GSR: variants seen among roughly 807,000 people sequenced by gnomAD.
GSR encodes the protein glutathione-disulfide reductase.
A neutral mutation model predicts 56.5 loss-of-function variants in GSR; 48 were observed. That is an observed-to-expected ratio of 0.85 (90% CI 0.67 to 1.08). The LOEUF is 1.08. Ranked by LOEUF, GSR falls within the 50% of genes least tolerant of loss-of-function variation. The pLI, the probability that GSR is intolerant of heterozygous loss-of-function variation, is 0.00. For missense variants in GSR, 694 were observed against 703.3 expected, an observed-to-expected ratio of 0.99 and a Z score of 0.15; for synonymous variants, 264 against 270.8, an observed-to-expected ratio of 0.97 and a Z score of 0.25.
intron 4 of GSR, 71 bp from the exon 5 acceptor site, chr8:30,703,311 A>C: frequency 7.5e-7 from 1 of 1,328,278 alleles, no homozygotes; most frequent in East Asian, 2.3e-5. Context: ...ACTTATCAGA[A>C]CTTTCATTTC....
At chr8:30,698,575 A>T (rs897227925) in intron 6 of GSR, among the ~76,000 whole-genome samples, 5 of 152,168 alleles carry the variant, frequency 3.3e-5, no homozygotes, top group African/African-American at 1.2e-4. Context: ...AGGTATCTTC[A>T]AGGGACATTT....
chr8:30,693,807 G>A (rs967849750), intron 7 of GSR, among the ~76,000 whole-genome samples: 2 of 152,170 alleles, frequency 1.3e-5, no homozygotes, highest in East Asian at 1.9e-4. Flanking sequence ...GGGATTATAG[G>A]TGTGAGCCAC....
At chr8:30,698,481 C>T (rs771280487) in intron 6 of GSR, among the ~76,000 whole-genome samples, 36 of 152,188 alleles carry the variant, frequency 2.4e-4, no homozygotes, top group Non-Finnish European at 4.4e-4. Context: ...TGTTCTCTAA[C>T]ACATTTCTGC....
intron 4 of GSR, among the ~76,000 whole-genome samples, chr8:30,704,444 T>C (rs563653782): frequency 7.9e-5 from 12 of 152,266 alleles, no homozygotes; most frequent in African/African-American, 2.9e-4. Flanking sequence ...GGAAACGCAA[T>C]GCTTGTGCTT....
At chr8:30,716,132 A>C (rs569859584) in intron 1 of GSR, among the ~76,000 whole-genome samples, 1 of 152,334 alleles carries the variant, frequency 6.6e-6, no homozygotes, top group African/African-American at 2.4e-5. Flanking sequence ...AAACAGATAC[A>C]GTCCCTGCTC....
Position 30,719,646 on chromosome 8 carries a change from A to G in GSR, c.307-7558T>C, listed in dbSNP as rs1486985144. Among the ~76,000 whole-genome samples the G allele has an allele frequency of 2.6e-5, 4 of 152,072 alleles. No individual in the cohort carries two copies. In the South Asian group the frequency reaches 6.2e-4, roughly 24 times the overall value. On this transcript the variant is annotated intron_variant, in intron 1 of 12. Coordinates refer to ENST00000221130, the MANE Select transcript of GSR (RefSeq NM_000637.5). The stretch of plus-strand genomic sequence containing the variant: ...TCCAAACCGATGATCCATTCCTGAG[A>G]GCTTCCTTTTCCAACCAATCTAGTG...
chr8:30,697,996 G>C (rs1448916100), intron 6 of GSR, among the ~76,000 whole-genome samples: 1 of 152,048 alleles, frequency 6.6e-6, no homozygotes. Flanking sequence ...CTGGCTTCTG[G>C]AACTGATCTT....
chr8:30,692,040 C>T (rs1220774437), intron 8 of GSR, among the ~76,000 whole-genome samples: 2 of 150,462 alleles, frequency 1.3e-5, no homozygotes, highest in Non-Finnish European at 3.0e-5. Flanking sequence ...GAGGTTGAGG[C>T]TGCAGTGAGC....
At chr8:30,721,207 T>C (rs1427004510) in intron 1 of GSR, among the ~76,000 whole-genome samples, 3 of 152,164 alleles carry the variant, frequency 2.0e-5, no homozygotes, top group Non-Finnish European at 4.4e-5. Context: ...TATTACCTGA[T>C]ACCCACCATC....
At position 30,712,320 on chromosome 8, in the gene GSR, C is replaced by T. The variant is rs112384097; in HGVS notation, c.307-232G>A. On this transcript the variant is annotated intron_variant, in intron 1 of 12. Transcript: ENST00000221130. ...GCATTTTTCTTGGACGGAGAAAGAA[C>T]AATCAGCCCATTTGAGCTGCTGTCT... Among the ~76,000 whole-genome samples the T allele has an allele frequency of 1.4e-4, 21 of 152,212 alleles. 2 individuals are homozygous for T. The highest frequency in any genetic ancestry group is 4.8e-4 in the African/African-American group (20 of 41,550).
At chr8:30,681,361 C>G (rs891841130) in intron 11 of GSR, among the ~76,000 whole-genome samples, 12 of 151,946 alleles carry the variant, frequency 7.9e-5, no homozygotes, top group Admixed American at 6.6e-5. Context: ...GAAACCCCAT[C>G]TCTACAAAAA....
In GSR at chr8:30,688,578, CAAAAAAAA is replaced by C. The variant is rs57690198; in HGVS notation, c.1041+575_1041+582del. Among the ~76,000 whole-genome samples, 95 of 81,544 alleles carry C rather than the reference CAAAAAAAA, an allele frequency of 1.2e-3. 1 individual carries two copies. Among genetic ancestry groups the C allele is most frequent in the African/African-American group, 4.6e-3 (89 of 19,170 alleles). The allele number at this position is 81,544 out of a possible 152,430, so 53.5% of individuals were successfully genotyped here. A position where few individuals can be genotyped will look rare whatever the true frequency, so the allele number is the denominator to read the frequency against. ...TGGGTGACAAAGCAAGACCCTGTCT[CAAAAAAAA>C]AAAAAAAAAAAAGGAAAGAAAACAA... On this transcript the variant is annotated intron_variant, in intron 9 of 12. Coordinates refer to ENST00000221130, the MANE Select transcript of GSR (RefSeq NM_000637.5).
At chr8:30,697,372 C>T (rs1035671928) in intron 6 of GSR, among the ~76,000 whole-genome samples, 1 of 151,926 alleles carries the variant, frequency 6.6e-6, no homozygotes, top group South Asian at 2.1e-4. Context: ...CAAGATTGCA[C>T]CAATGCACTC....
At chr8:30,727,364 TC>T (rs1804767542) in intron 1 of GSR, among the ~76,000 whole-genome samples, 165 bp downstream of exon 1, 3 of 152,070 alleles carry the variant, frequency 2.0e-5, no homozygotes, top group African/African-American at 7.2e-5. Flanking sequence ...CGCCTCTCTC[TC>T]CTCCACCTGC....
chr8:30,727,467 G>T (rs1804771174), intron 1 of GSR, 63 bp downstream of exon 1: 2 of 1,418,292 alleles, frequency 1.4e-6, no homozygotes, highest in Admixed American at 4.1e-5. Context: ...ACGAGCACAG[G>T]CTGTCCCCCG....
chr8:30,723,336 C>T (rs1410555011), intron 1 of GSR, among the ~76,000 whole-genome samples: 1 of 152,032 alleles, frequency 6.6e-6, no homozygotes, highest in Non-Finnish European at 1.5e-5. Flanking sequence ...ACTTGAAATG[C>T]TGAATTCAAG....
intron 1 of GSR, among the ~76,000 whole-genome samples, chr8:30,712,901 A>G (rs1366909233): frequency 6.6e-6 from 1 of 152,266 alleles, no homozygotes; most frequent in African/African-American, 2.4e-5. Flanking sequence ...GATGTAGAAA[A>G]GCGAAATGCA....
rs766391628 is a variant in GSR, at chr8:30,679,474, A to G, written c.*46T>C. 10 of 1,575,476 alleles carry G rather than the reference A, an allele frequency of 6.3e-6. No individual in the cohort carries two copies. Among genetic ancestry groups the G allele is most frequent in the Non-Finnish European group, 7.9e-6 (9 of 1,145,224 alleles). On this transcript the variant is annotated 3_prime_UTR_variant, in exon 13 of 13. Coordinates refer to ENST00000221130, the MANE Select transcript of GSR (RefSeq NM_000637.5). ...TCAATGTGATTATTTGTTTCATTTC[A>G]GAAGATCTATGGGTCCCACTGCCCG...
intron 1 of GSR, among the ~76,000 whole-genome samples, chr8:30,713,938 G>C (rs1012200998): frequency 7.9e-5 from 12 of 152,140 alleles, no homozygotes; most frequent in African/African-American, 2.7e-4. Context: ...GTAGTAAATA[G>C]TTATACATTG....
Sources: allele counts gnomAD v4.1 joint callset (sites outside exome capture counted in the v4.1 genomes callset), GRCh38; gene constraint gnomAD v4.1.1; transcripts MANE v1.5; gene names NCBI Gene and HGNC (gene_info 2026-07-23, HGNC 2026-07-21).